TCF20: variants seen among roughly 807,000 people sequenced by gnomAD.
The protein encoded by TCF20 is transcription factor 20.
Under a neutral mutation model 148.6 loss-of-function variants are expected in TCF20, and 3 were observed. That is an observed-to-expected ratio of 0.02 (90% CI 0.01 to 0.05). The LOEUF (loss-of-function observed/expected upper bound fraction) is 0.05. TCF20 is among the 10% of genes least tolerant of loss of function. TCF20 has a pLI of 1.00. For synonymous variants in TCF20, 1,049 were observed against 909.5 expected (o/e 1.15, Z -2.76); for missense variants, 2,350 against 2,429.3 (o/e 0.97, Z 0.69).
At chr22:42,192,538 A>C (rs993305990) in intron 2 of TCF20, among the ~76,000 whole-genome samples, 2 of 152,210 alleles carry the variant, frequency 1.3e-5, no homozygotes, top group Non-Finnish European at 2.9e-5. Context: ...GCAGCCTGAC[A>C]GGACAGACAC....
chr22:42,198,091 C>T lies in TCF20; in HGVS notation c.5655+11560G>A, dbSNP rs931944791. ...AGAAAGTAGTAAATTAACTGGAAAC[C>T]ACCTCAATAAAAGTGCGGTACTTGA... On this transcript the variant is annotated intron_variant, in intron 2 of 5. Transcript: ENST00000677622. Among the ~76,000 whole-genome samples the T allele has an allele frequency of 2.6e-5, 4 of 152,096 alleles. No homozygotes were observed. In the South Asian group the frequency reaches 6.2e-4, roughly 24 times the overall value.
At chr22:42,171,880 A>C (rs527384934) in intron 3 of TCF20, among the ~76,000 whole-genome samples, 193 of 152,338 alleles carry the variant, frequency 1.3e-3, no homozygotes, top group African/African-American at 4.5e-3. Context: ...GGACCACACG[A>C]GCAGCAAAGG....
rs1601694974 is a variant in TCF20, at chr22:42,290,205, G to A, written c.-37+53274C>T. Reference sequence around the variant, plus strand: ...GAGGTGGGCCAGAGCCTGCAGCAGGGCCTGCCCCCTTCATCCTGTCTCTTC... The same window carrying A: ...GAGGTGGGCCAGAGCCTGCAGCAGGACCTGCCCCCTTCATCCTGTCTCTTC... On this transcript the variant is annotated intron_variant, in intron 1 of 1. Coordinates refer to the TCF20 transcript ENST00000515426. The surrounding 1 kb of genome is among the most constrained non-coding windows in gnomAD (Gnocchi z 4.2). Among the ~76,000 whole-genome samples the A allele has an allele frequency of 6.6e-6, 1 of 152,128 alleles. No homozygotes were observed. Among genetic ancestry groups the A allele is most frequent in the South Asian group, 2.1e-4 (1 of 4,834 alleles).
Position 42,168,626 on chromosome 22 carries a change from T to C in TCF20, c.*27A>G. 6.3e-7 allele frequency: 1 copy of C among 1,584,850 alleles called. No homozygotes were observed. Among genetic ancestry groups the C allele is most frequent in the Non-Finnish European group, 8.6e-7 (1 of 1,165,558 alleles). ...CGACTCACCTGTGCTTGCTGTCCTT[T>C]CCATTCCCACGAGCACACTGCCCCC... is the stretch of plus-strand genomic sequence containing the variant. On this transcript the variant is annotated 3_prime_UTR_variant, in exon 5 of 6. Transcript: ENST00000677622.
intron 1 of TCF20, among the ~76,000 whole-genome samples, chr22:42,320,224 G>T (rs957262730): frequency 2.0e-5 from 3 of 152,122 alleles, no homozygotes; most frequent in Non-Finnish European, 4.4e-5. Context: ...CTGGACTCTT[G>T]CAAGTTCTGT....
intron 1 of TCF20, among the ~76,000 whole-genome samples, chr22:42,330,412 C>T (rs1047322702): frequency 9.9e-5 from 15 of 152,216 alleles, no homozygotes; most frequent in African/African-American, 2.2e-4. Context: ...CCTTTGTACA[C>T]GCTGTTCCTC....
chr22:42,212,142 T>C lies in TCF20; in HGVS notation c.3164A>G (p.Asn1055Ser), dbSNP rs774093188. The C allele has an allele frequency of 1.2e-6, 2 of 1,614,026 alleles. No homozygotes were observed. Among genetic ancestry groups the C allele is most frequent in the Admixed American group, 1.7e-5 (1 of 60,008 alleles). ...ATAAGCAGAGGCCAGGGTTTCTGAG[T>C]TGGGAGAAAAGGGAGTGTGTAAAGA... The part of the protein sequence containing the change: ...RSSLHTPFSP[N>S]SETLASAYHA... The change falls in exon 2 of 6, where the codon AAC (asparagine) becomes AGC (serine). Residue 1055 changes from asparagine to serine, a missense_variant. This residue lies in a region of TCF20 where 1,641 missense variants were observed against 1,662.6 expected (regional missense o/e 0.99). Coordinates refer to ENST00000677622, the MANE Select transcript of TCF20 (RefSeq NM_001378418.1).
rs200975001 is a variant in TCF20 at position 42,168,687 on chromosome 22, C to G, written c.5849G>C (p.Gly1950Ala). ...LPPLQNKTAK[G>A]SLSTEQSERG The stretch of plus-strand genomic sequence containing the variant: ...CTCCGACTGCTCTGTGCTGAGGCTG[C>G]CTTTCGCGGTCTTGTTCTGCAAGGG... The change falls in exon 5 of 6, where the codon GGC (glycine) becomes GCC (alanine). Residue 1950 changes from glycine (G) to alanine (A), a missense_variant. Physicochemically the swap from Gly to Ala is moderately conservative, Grantham distance 60 (BLOSUM62 0). This residue lies in a region of TCF20 where 67 missense variants were observed against 60.8 expected (regional missense o/e 1.10). Coordinates refer to ENST00000677622, the MANE Select transcript of TCF20 (RefSeq NM_001378418.1). 2.5e-6 allele frequency: 4 copies of G among 1,610,654 alleles called. No homozygotes were observed. Among genetic ancestry groups the G allele is most frequent in the East Asian group, 4.5e-5 (2 of 44,792 alleles).
intron 1 of TCF20, among the ~76,000 whole-genome samples, chr22:42,336,174 C>T (rs976518131): frequency 3.3e-5 from 5 of 152,184 alleles, no homozygotes; most frequent in African/African-American, 4.8e-5. Context: ...ACGCTCCAGC[C>T]GGGATCTGTT....
chr22:42,285,544 C>T (rs939314425), upstream of TCF20, among the ~76,000 whole-genome samples: 3 of 152,178 alleles, frequency 2.0e-5, no homozygotes, highest in Admixed American at 2.0e-4. This position sits in a 1 kb window ranked among gnomAD's most constrained non-coding sequence, Gnocchi z 4.2. Context: ...TAAACTACTA[C>T]TCAAAGACTG....
intron 1 of TCF20, among the ~76,000 whole-genome samples, chr22:42,249,298 T>C (rs1300477711): frequency 6.6e-6 from 1 of 152,238 alleles, no homozygotes; most frequent in African/African-American, 2.4e-5. Flanking sequence ...TGATCTGTCA[T>C]GGGACTTCTC....
chr22:42,222,936 T>A (rs1922510998), intron 1 of TCF20, among the ~76,000 whole-genome samples: 1 of 152,138 alleles, frequency 6.6e-6, no homozygotes, highest in Non-Finnish European at 1.5e-5. Flanking sequence ...GCAGACTGTT[T>A]GAGCTCAGGA....
chr22:42,242,974 T>C (rs951377419), intron 1 of TCF20, among the ~76,000 whole-genome samples: 2 of 151,940 alleles, frequency 1.3e-5, no homozygotes, highest in South Asian at 2.1e-4. Flanking sequence ...ACTTTAGCTA[T>C]ATAATATTCT....
chr22:42,288,254 A>C (rs1927066664), upstream of TCF20, among the ~76,000 whole-genome samples: 1 of 152,024 alleles, frequency 6.6e-6, no homozygotes, highest in Admixed American at 6.6e-5. Context: ...TTAGCCAGGC[A>C]TGGCCAGGCG....
chr22:42,193,486 T>C (rs1229718759), intron 2 of TCF20, among the ~76,000 whole-genome samples: 1 of 151,994 alleles, frequency 6.6e-6, no homozygotes, highest in Non-Finnish European at 1.5e-5. Context: ...TGCATACCAC[T>C]GCACTTGGCT....
chr22:42,204,488 C>G (rs1304225630), intron 2 of TCF20, among the ~76,000 whole-genome samples: 1 of 151,008 alleles, frequency 6.6e-6, no homozygotes, highest in Non-Finnish European at 1.5e-5. Context: ...GAGTGAGACC[C>G]TGTCTCAAAA....
intron 1 of TCF20, among the ~76,000 whole-genome samples, chr22:42,231,180 G>GA (rs757233465): frequency 5.3e-5 from 8 of 151,708 alleles, no homozygotes; most frequent in East Asian, 3.9e-4. Flanking sequence ...ATAATAAATA[G>GA]AAAAAAAAGC....
chr22:42,260,709 C>A (rs1336214609), intron 1 of TCF20, among the ~76,000 whole-genome samples: 1 of 152,098 alleles, frequency 6.6e-6, no homozygotes, highest in African/African-American at 2.4e-5. Flanking sequence ...TTCTTAAACT[C>A]CTGGACTCAA....
At chr22:42,193,534 C>A (rs946474388) in intron 2 of TCF20, among the ~76,000 whole-genome samples, 1 of 151,996 alleles carries the variant, frequency 6.6e-6, no homozygotes, top group Non-Finnish European at 1.5e-5. Context: ...CACTTTGTTG[C>A]CCAAGCTGGT....
Sources: allele counts gnomAD v4.1 joint callset (sites outside exome capture counted in the v4.1 genomes callset), GRCh38; gene constraint gnomAD v4.1.1; regional missense constraint gnomAD v4.1.1; non-coding constraint Gnocchi (gnomAD v3.1); transcripts MANE v1.5; gene names NCBI Gene and HGNC (gene_info 2026-07-23, HGNC 2026-07-21).